POU2F1: variants seen among roughly 807,000 people sequenced by gnomAD.
POU2F1 encodes the protein POU class 2 homeobox 1.
A neutral mutation model predicts 84.9 loss-of-function variants in POU2F1; 16 were observed. The ratio of observed to expected loss-of-function variants is 0.19; its 90% CI spans 0.13 to 0.29. The LOEUF (loss-of-function observed/expected upper bound fraction) is 0.29. Ranked by LOEUF, POU2F1 falls within the 10% of genes least tolerant of loss-of-function variation. The probability of loss-of-function intolerance (pLI) is 1.00; values close to 1 mark genes in which losing one functional copy is unlikely to be tolerated. For synonymous variants in POU2F1, 368 were observed against 368.3 expected (o/e 1.00, Z 0.01); for missense variants, 738 against 942.6 (o/e 0.78, Z 2.84).
rs187186392 is a variant in POU2F1 at position 167,358,554 on chromosome 1, A to G, written c.128-6913A>G. On this transcript the variant is annotated intron_variant, in intron 2 of 15. Coordinates refer to ENST00000367866, the MANE Select transcript of POU2F1 (RefSeq NM_002697.4). Reference sequence around the variant, plus strand: ...TTGGGAAGATTTTTACTTACCTACTAATTCAGTTTCCTTAAATGCTGTGGG... The same window carrying G: ...TTGGGAAGATTTTTACTTACCTACTGATTCAGTTTCCTTAAATGCTGTGGG... Among the ~76,000 whole-genome samples, 10 of 151,956 alleles carry G rather than the reference A, an allele frequency of 6.6e-5. No individual in the cohort carries two copies. In the East Asian group the frequency reaches 1.9e-3, roughly 29 times the overall value.
intron 2 of POU2F1, among the ~76,000 whole-genome samples, chr1:167,334,964 A>G (rs1168846791): frequency 6.6e-6 from 1 of 152,152 alleles, no homozygotes; most frequent in East Asian, 1.9e-4. Context: ...TACAATTGTA[A>G]TAATTTTGAT....
chr1:167,373,292 T>C (rs922998108), intron 5 of POU2F1, among the ~76,000 whole-genome samples: 10 of 152,228 alleles, frequency 6.6e-5, no homozygotes, highest in Non-Finnish European at 1.3e-4. Flanking sequence ...ATTTACTACT[T>C]TAAGTGTGTT....
intron 2 of POU2F1, among the ~76,000 whole-genome samples, chr1:167,346,972 A>C (rs1421966276): frequency 6.6e-6 from 1 of 152,240 alleles, no homozygotes; most frequent in Non-Finnish European, 1.5e-5. Flanking sequence ...AACAATCTAA[A>C]AAATGAGCAG....
Position 167,373,410 on chromosome 1 carries a change from G to T in POU2F1, c.403-698G>T, listed in dbSNP as rs140513192. On this transcript the variant is annotated intron_variant, in intron 5 of 15. Transcript: ENST00000367866. ...GACTAGTGTCTACAATAGTAAGAGG[G>T]AGTTGGGATTCTAGGTTCCTTTGGC... Among the ~76,000 whole-genome samples the T allele has an allele frequency of 7.2e-5, 11 of 152,314 alleles. No homozygotes were observed. The East Asian group carries it at 1.9e-3, about 27-fold the overall frequency.
chr1:167,412,025 C>A lies in POU2F1; in HGVS notation c.1622C>A (p.Ala541Glu). The change falls in exon 14 of 16, where the codon GCA becomes GAA. Residue 541 changes from alanine to glutamate, a missense_variant. Ala to Glu is a moderately radical substitution (Grantham distance 107, BLOSUM62 -1). This residue lies in a region of POU2F1 where 319 missense variants were observed against 386.0 expected (regional missense o/e 0.83). Coordinates refer to ENST00000367866, the MANE Select transcript of POU2F1 (RefSeq NM_002697.4). ...VISTAPPASS[A>E]VTSPSLSPSP... ...TCCACAGCGCCTCCAGCTTCCTCAGCAGTCACGTCCCCCTCTCTGAGTCCC... is the reference window on the plus strand; with the variant it reads ...TCCACAGCGCCTCCAGCTTCCTCAGAAGTCACGTCCCCCTCTCTGAGTCCC... 2 of 1,614,126 alleles carry A rather than the reference C, an allele frequency of 1.2e-6. No individual in the cohort carries two copies. Among genetic ancestry groups the A allele is most frequent in the Non-Finnish European group, 1.7e-6 (2 of 1,180,020 alleles).
At chr1:167,390,084 GTGGATTT>G (rs1260406225) in intron 9 of POU2F1, among the ~76,000 whole-genome samples, 8 of 152,204 alleles carry the variant, frequency 5.3e-5, no homozygotes. Context: ...TTGAGCATCA[GTGGATTT>G]TGGTATCCAA....
intron 1 of POU2F1, among the ~76,000 whole-genome samples, chr1:167,273,600 C>A: frequency 6.6e-6 from 1 of 152,248 alleles, no homozygotes; most frequent in East Asian, 1.9e-4. Context: ...CAGCCTGAGA[C>A]GTATCTGGGC....
At chr1:167,391,577 T>TTC (rs1648408782) in intron 9 of POU2F1, among the ~76,000 whole-genome samples, 1 of 133,568 alleles carries the variant, frequency 7.5e-6, no homozygotes, top group Non-Finnish European at 1.6e-5. Context: ...TTTTTTTTTT[T>TTC]TTTTTTTTTT....
intron 2 of POU2F1, among the ~76,000 whole-genome samples, chr1:167,358,545 TTACC>T (rs1290058430): frequency 6.6e-6 from 1 of 152,076 alleles, no homozygotes; most frequent in African/African-American, 2.4e-5. Context: ...AGATTTTTAC[TTACC>T]TACTAATTCA....
At chr1:167,222,898 C>T (rs1477915615) in intron 1 of POU2F1, among the ~76,000 whole-genome samples, 1 of 152,140 alleles carries the variant, frequency 6.6e-6, no homozygotes, top group Non-Finnish European at 1.5e-5. Context: ...GGTTGCTCCC[C>T]ACCCCCATGT....
At chr1:167,261,501 T>C (rs1356442412) in intron 1 of POU2F1, among the ~76,000 whole-genome samples, 1 of 152,170 alleles carries the variant, frequency 6.6e-6, no homozygotes, top group Non-Finnish European at 1.5e-5. Flanking sequence ...ATATAGCTGT[T>C]GGCACAGTCT....
At chr1:167,349,358 C>A (rs748623522) in intron 2 of POU2F1, among the ~76,000 whole-genome samples, 3 of 152,120 alleles carry the variant, frequency 2.0e-5, no homozygotes, top group Non-Finnish European at 4.4e-5. Flanking sequence ...ATATGGAATT[C>A]ATAAATGCAT....
At chr1:167,375,914 G>C (rs144565938) in intron 6 of POU2F1, 115 bp from the exon 7 acceptor site, 1 of 1,278,416 alleles carries the variant, frequency 7.8e-7, no homozygotes, top group Non-Finnish European at 1.1e-6. Context: ...GAAAGCATGC[G>C]AAGTATTTAC....
chr1:167,368,877 A>G (rs559322859), intron 3 of POU2F1, among the ~76,000 whole-genome samples: 2 of 152,198 alleles, frequency 1.3e-5, no homozygotes, highest in African/African-American at 4.8e-5. Context: ...TGGTGTATAC[A>G]AAATGGAACT....
chr1:167,287,141 A>G (rs1043053359), intron 1 of POU2F1, among the ~76,000 whole-genome samples: 2 of 152,188 alleles, frequency 1.3e-5, no homozygotes, highest in Non-Finnish European at 2.9e-5. Flanking sequence ...GGGGCGAACA[A>G]CCACCCACCA....
intron 1 of POU2F1, among the ~76,000 whole-genome samples, chr1:167,238,219 A>T (rs1422014035): frequency 6.6e-6 from 1 of 152,094 alleles, no homozygotes; most frequent in African/African-American, 2.4e-5. Flanking sequence ...TTGTCTCTCA[A>T]GTTGGTTTAT....
chr1:167,405,584 A>T (rs1363766187), intron 13 of POU2F1, among the ~76,000 whole-genome samples: 1 of 151,808 alleles, frequency 6.6e-6, no homozygotes. Context: ...GCTGCTCGGG[A>T]GGCTGAGGTG....
intron 1 of POU2F1, among the ~76,000 whole-genome samples, chr1:167,305,405 G>T (rs1654996467): frequency 6.6e-6 from 1 of 152,038 alleles, no homozygotes; most frequent in Non-Finnish European, 1.5e-5. Flanking sequence ...TTGCCACGTT[G>T]CCCAGGCTGG....
intron 2 of POU2F1, among the ~76,000 whole-genome samples, chr1:167,341,953 C>T (rs1268220318): frequency 1.3e-5 from 2 of 152,082 alleles, no homozygotes; most frequent in African/African-American, 4.8e-5. Context: ...CCTCTTTGAC[C>T]ACCCCCAGTC....
Sources: gnomAD v4.1 joint callset for allele counts (sites outside exome capture counted in the v4.1 genomes callset) on GRCh38, gnomAD v4.1.1 for gene constraint, gnomAD v4.1.1 regional missense constraint, MANE v1.5 for transcripts, NCBI Gene and HGNC (gene_info 2026-07-23, HGNC 2026-07-21) for gene names.